XPO5: variants seen among roughly 807,000 people sequenced by gnomAD.
XPO5 encodes the protein exportin 5, also known as exportin-5.
A neutral mutation model predicts 160.6 loss-of-function variants in XPO5; 46 were observed. That is an observed-to-expected ratio of 0.29 (90% CI 0.23 to 0.37). The LOEUF is 0.37. Among genes scored for constraint, XPO5 ranks in the 10% least tolerant of loss-of-function variants. The probability of loss-of-function intolerance (pLI) is 1.00; values close to 1 mark genes in which losing one functional copy is unlikely to be tolerated. For synonymous variants in XPO5, 537 were observed against 519.3 expected (o/e 1.03, Z -0.46); for missense variants, 1,090 against 1,463.9 (o/e 0.74, Z 4.17).
Position 43,522,772 on chromosome 6 carries a change from T to G in XPO5, c.*1096A>C. 2.1e-6 allele frequency: 1 copy of G among 467,168 alleles called. No individual in the cohort carries two copies. The highest frequency in any genetic ancestry group is 4.6e-6 in the Non-Finnish European group (1 of 218,064). The allele number at this position is 467,168 out of a possible 1,614,324, so 28.9% of individuals were successfully genotyped here. A position where few individuals can be genotyped will look rare whatever the true frequency, so the allele number is the denominator to read the frequency against. On this transcript the variant is annotated 3_prime_UTR_variant, in exon 32 of 32. Transcript: ENST00000265351. ...TTTTGTGCAGAGCACATGGACACAC[T>G]GGTTTCTGTATGGATTAACTCTGCC...
chr6:43,545,984 G>C (rs1794946998), intron 20 of XPO5, among the ~76,000 whole-genome samples: 1 of 152,028 alleles, frequency 6.6e-6, no homozygotes, highest in Non-Finnish European at 1.5e-5. Context: ...GTATGTCTGG[G>C]GTGGGGCCTT....
rs1298832265 is a variant in XPO5, at chr6:43,525,926, T to A, written c.2984-5A>T. 6.2e-7 allele frequency: 1 copy of A among 1,613,674 alleles called. No individual in the cohort carries two copies. The highest frequency in any genetic ancestry group is 8.5e-7 in the Non-Finnish European group (1 of 1,179,774). ...CTGTGGCCATCATTTCTTCATCTGT[T>A]ATCAGAGAGTAGAATGTTAAGCTCC... On this transcript the variant is annotated splice_region_variant and splice_polypyrimidine_tract_variant and intron_variant, in intron 27 of 31. Coordinates refer to ENST00000265351, the MANE Select transcript of XPO5 (RefSeq NM_020750.3).
intron 20 of XPO5, 56 bp from the exon 21 acceptor site, chr6:43,534,063 G>A: frequency 1.4e-6 from 2 of 1,408,664 alleles, no homozygotes; most frequent in South Asian, 2.3e-5. Context: ...AGGAAAGAGT[G>A]GGTTTTGCTT....
At chr6:43,526,877 G>A (rs1561863369) in intron 26 of XPO5, 130 bp from the exon 27 acceptor site, 1 of 881,604 alleles carries the variant, frequency 1.1e-6, no homozygotes, top group Non-Finnish European at 1.8e-6. Context: ...ACCGTCCAAG[G>A]CACAAGAATT....
At position 43,549,895 on chromosome 6, in the gene XPO5, T is replaced by C. The variant is rs1302539147; in HGVS notation, c.1768A>G (p.Lys590Glu). 1 of 1,610,794 alleles carries C rather than the reference T, an allele frequency of 6.2e-7. No homozygotes were observed. The highest frequency in any genetic ancestry group is 8.5e-7 in the Non-Finnish European group (1 of 1,178,174). ...SVTFETVEES[K>E]APRTRAVRNV... ...ATTGGTTTAATTAATGGTCTTACCT[T>C]ACTTTCTTCAACAGTTTCAAAAGTG... Residue 590 changes from lysine (K) to glutamate (E), a missense_variant and splice_region_variant, in exon 16 of 32, where the codon AAG becomes GAG. Transcript: ENST00000265351.
At chr6:43,569,401 T>C (rs1266293819) in intron 5 of XPO5, among the ~76,000 whole-genome samples, 2 of 151,874 alleles carry the variant, frequency 1.3e-5, no homozygotes, top group African/African-American at 2.4e-5. Context: ...ATCCTTATAT[T>C]TCAAATCCAT....
In XPO5 at chr6:43,549,543, C is replaced by T. The variant is rs1375211730; in HGVS notation, c.1806G>A (p.Arg602=). Reference sequence around the variant, plus strand: ...TCTTGATGATGGAGGAACAAGCATGCCTCCTCACATTCCTCACTGCCCGGG... The same window carrying T: ...TCTTGATGATGGAGGAACAAGCATGTCTCCTCACATTCCTCACTGCCCGGG... ...PRTRAVRNVR[R]HACSSIIKMC... is the part of the protein sequence containing the mutation. Residue 602 remains arginine (R), a synonymous_variant, in exon 17 of 32, where the codon AGG becomes AGA. Transcript: ENST00000265351. 1 of 1,613,220 alleles carries T rather than the reference C, an allele frequency of 6.2e-7. No homozygotes were observed. The highest frequency in any genetic ancestry group is 1.1e-5 in the South Asian group (1 of 91,004).
chr6:43,526,431 A>C (rs575697940), intron 27 of XPO5: 1 of 524,750 alleles, frequency 1.9e-6, no homozygotes, highest in Non-Finnish European at 3.4e-6. Flanking sequence ...GGAAGAGGTG[A>C]CATTGGAATA....
Position 43,522,548 on chromosome 6 carries a change from C to T in XPO5, c.*1320G>A, listed in dbSNP as rs771057885. On this transcript the variant is annotated 3_prime_UTR_variant, in exon 32 of 32. Coordinates refer to ENST00000265351, the MANE Select transcript of XPO5 (RefSeq NM_020750.3). ...TTGGAGGGAAACACTCTTGAGATCG[C>T]CTTCACGATCCACAGAAACCCAGAG... is the stretch of plus-strand genomic sequence containing the variant. The T allele has an allele frequency of 1.1e-5, 3 of 265,974 alleles. No individual in the cohort carries two copies. The highest frequency in any genetic ancestry group is 9.6e-5 in the South Asian group (3 of 31,212). 16.5% of individuals were successfully genotyped at this position (265,974 alleles called of 1,614,324 possible).
At chr6:43,535,049 T>C (rs1358175477) in intron 20 of XPO5, among the ~76,000 whole-genome samples, 1 of 150,554 alleles carries the variant, frequency 6.6e-6, no homozygotes, top group African/African-American at 2.5e-5. Context: ...TCCCAGCACT[T>C]TGGGAGGCTG....
intron 6 of XPO5, among the ~76,000 whole-genome samples, chr6:43,567,773 C>A (rs995082708): frequency 1.3e-5 from 2 of 151,262 alleles, no homozygotes; most frequent in Non-Finnish European, 2.9e-5. Context: ...ATACCCTAAC[C>A]AAAAAAATAC....
chr6:43,531,238 C>T (rs1159600448), intron 22 of XPO5, among the ~76,000 whole-genome samples: 4 of 140,104 alleles, frequency 2.9e-5, no homozygotes, highest in Non-Finnish European at 3.3e-5. Context: ...ATTTTATACA[C>T]TAGAAACACA....
intron 20 of XPO5, chr6:43,538,708 T>G: frequency 2.1e-6 from 1 of 473,042 alleles, no homozygotes; most frequent in Non-Finnish European, 3.7e-6. Context: ...GTACTGTTAA[T>G]GTCTGGTTTT....
At chr6:43,554,180 C>G (rs374515559) in intron 13 of XPO5, among the ~76,000 whole-genome samples, 1 of 152,126 alleles carries the variant, frequency 6.6e-6, no homozygotes, top group South Asian at 2.1e-4. Flanking sequence ...GATCTCGGCT[C>G]ACTGCAACAT....
rs911014463 is a variant in XPO5 at position 43,527,606 on chromosome 6, A to G, written c.2920+28T>C. On this transcript the variant is annotated intron_variant, in intron 26 of 31. Coordinates refer to ENST00000265351, the MANE Select transcript of XPO5 (RefSeq NM_020750.3). ...AGCTCTTCTTCCAGGAAAATCCTCT[A>G]TAGCCCCAGTTTCGACATGCCACTT... The G allele has an allele frequency of 3.1e-6, 5 of 1,611,428 alleles. No homozygotes were observed. The African/African-American group carries it at 4.0e-5, about 13-fold the overall frequency.
At chr6:43,526,517 G>A (rs1793600983) in intron 27 of XPO5, 168 bp downstream of exon 27, 2 of 691,412 alleles carry the variant, frequency 2.9e-6, no homozygotes, top group Non-Finnish European at 2.5e-6. Context: ...GCAAAGGCTT[G>A]GAGGTGGGAG....
At chr6:43,536,758 TAAAAAAA>T (rs1156884252) in intron 20 of XPO5, among the ~76,000 whole-genome samples, 22 of 19,080 alleles carry the variant, frequency 1.2e-3, no homozygotes, top group African/African-American at 5.1e-3. Context: ...AGACTCTATC[TAAAAAAA>T]AAAAAAAAAA....
chr6:43,568,908 G>A (rs1762843371), intron 5 of XPO5, among the ~76,000 whole-genome samples, 171 bp from the exon 6 acceptor site: 1 of 152,166 alleles, frequency 6.6e-6, no homozygotes, highest in South Asian at 2.1e-4. Context: ...TTCCCCTAGG[G>A]AGAACAAGTA....
At chr6:43,554,162 A>G (rs1266220401) in intron 13 of XPO5, among the ~76,000 whole-genome samples, 5 of 152,224 alleles carry the variant, frequency 3.3e-5, no homozygotes, top group South Asian at 2.1e-4. Flanking sequence ...GCTGGAGGGC[A>G]GTGGCGAGAT....
Sources: gnomAD v4.1 joint callset for allele counts (sites outside exome capture counted in the v4.1 genomes callset) on GRCh38, gnomAD v4.1.1 for gene constraint, MANE v1.5 for transcripts, NCBI Gene and HGNC (gene_info 2026-07-23, HGNC 2026-07-21) for gene names.